PDE7B: variants seen among roughly 807,000 people sequenced by gnomAD.
PDE7B encodes the protein phosphodiesterase 7B, also known as 3',5'-cyclic-AMP phosphodiesterase 7B.
In PDE7B, 29 loss-of-function variants were observed where a neutral mutation model predicts 56.2. The observed-to-expected ratio is 0.52, with a 90% CI of 0.38 to 0.70. The LOEUF is 0.70. Among genes scored for constraint, PDE7B ranks in the 30% least tolerant of loss-of-function variants. PDE7B has a pLI of 0.00. For missense variants in PDE7B, 490 were observed against 565.0 expected, an observed-to-expected ratio of 0.87 and a Z score of 1.35; for synonymous variants, 197 against 196.9, an observed-to-expected ratio of 1.00 and a Z score of 0.00.
intron 2 of PDE7B, among the ~76,000 whole-genome samples, chr6:136,049,903 T>C (rs1344787341): frequency 6.6e-6 from 1 of 151,742 alleles, no homozygotes; most frequent in Non-Finnish European, 1.5e-5. Context: ...AATTTTTTAA[T>C]GAAAATGGGT....
chr6:136,116,268 A>G (rs1777829068), intron 3 of PDE7B, among the ~76,000 whole-genome samples: 1 of 152,224 alleles, frequency 6.6e-6, no homozygotes, highest in South Asian at 2.1e-4. Context: ...AAGTAGGAAG[A>G]AGGTCCAAAA....
intron 3 of PDE7B, among the ~76,000 whole-genome samples, chr6:136,139,982 C>T (rs1197789487): frequency 2.0e-5 from 3 of 152,106 alleles, no homozygotes; most frequent in East Asian, 3.8e-4. Flanking sequence ...TAATTAGATC[C>T]CATTGGTCAA....
intron 1 of PDE7B, among the ~76,000 whole-genome samples, chr6:135,861,331 C>T (rs1361298851): frequency 1.3e-5 from 2 of 151,646 alleles, no homozygotes; most frequent in African/African-American, 4.8e-5. Flanking sequence ...AATTTACGCC[C>T]CCACCAACAA....
At chr6:136,179,428 G>T (rs1299695018) in intron 10 of PDE7B, among the ~76,000 whole-genome samples, 3 of 152,168 alleles carry the variant, frequency 2.0e-5, no homozygotes, top group Non-Finnish European at 2.9e-5. Context: ...TATCTCCGAT[G>T]GTATGAGTTA....
At chr6:136,187,565 G>T (rs1477708748) in intron 12 of PDE7B, among the ~76,000 whole-genome samples, 1 of 152,128 alleles carries the variant, frequency 6.6e-6, no homozygotes, top group Non-Finnish European at 1.5e-5. Flanking sequence ...TGTGAGCCAT[G>T]CTATCCCGCC....
chr6:136,086,370 T>TG (rs1210133525), intron 2 of PDE7B, among the ~76,000 whole-genome samples: 2 of 148,876 alleles, frequency 1.3e-5, no homozygotes, highest in Admixed American at 6.7e-5. Flanking sequence ...TTTTTTGGGG[T>TG]GGGGGGGATT....
At position 135,919,621 on chromosome 6, in the gene PDE7B, C is replaced by T. The variant is rs112815613; in HGVS notation, c.22-27843C>T. On this transcript the variant is annotated intron_variant, in intron 1 of 12. Coordinates refer to ENST00000308191, the MANE Select transcript of PDE7B (RefSeq NM_018945.4). ...CTTTAGGCAAAGCATACTATATTTT[C>T]TTTTTCCTAGTGTTTCAATATGAAC... is the stretch of plus-strand genomic sequence containing the variant. Among the ~76,000 whole-genome samples the T allele has an allele frequency of 3.9e-3, 595 of 152,242 alleles. 1 individual carries two copies. Among genetic ancestry groups the T allele is most frequent in the African/African-American group, 0.014 (573 of 41,546 alleles).
intron 1 of PDE7B, among the ~76,000 whole-genome samples, chr6:135,863,014 C>T (rs1300796637): frequency 6.6e-6 from 1 of 151,866 alleles, no homozygotes; most frequent in East Asian, 1.9e-4. Flanking sequence ...TTCTACTGTG[C>T]TTACAAGTCA....
chr6:136,183,595 CAAAAA>C (rs59123124), intron 11 of PDE7B, among the ~76,000 whole-genome samples: 7 of 66,226 alleles, frequency 1.1e-4, no homozygotes, highest in Middle Eastern at 8.6e-3. Flanking sequence ...GACTCTGTCT[CAAAAA>C]AAAAAAAAAA....
chr6:135,935,220 T>A (rs1353258496), intron 1 of PDE7B, among the ~76,000 whole-genome samples: 21 of 36,804 alleles, frequency 5.7e-4, no homozygotes, highest in African/African-American at 1.3e-3. Flanking sequence ...ATATATATTT[T>A]CATGATTCTT....
intron 2 of PDE7B, among the ~76,000 whole-genome samples, chr6:136,077,328 T>C (rs1777141620): frequency 6.6e-6 from 1 of 152,204 alleles, no homozygotes; most frequent in Non-Finnish European, 1.5e-5. Flanking sequence ...TAAAGATGTG[T>C]GGTTTTTTTC....
intron 8 of PDE7B, among the ~76,000 whole-genome samples, chr6:136,168,126 A>C (rs1307931091): frequency 6.6e-6 from 1 of 152,206 alleles, no homozygotes; most frequent in East Asian, 1.9e-4. Flanking sequence ...TATTAGGGTT[A>C]GCAAAAGGAA....
intron 2 of PDE7B, among the ~76,000 whole-genome samples, chr6:135,985,819 T>G (rs1775366805): frequency 6.6e-6 from 1 of 152,206 alleles, no homozygotes; most frequent in South Asian, 2.1e-4. Flanking sequence ...TAGAGAAGCA[T>G]GCACTTTGAT....
chr6:136,165,397 A>G (rs1184348311), intron 8 of PDE7B: 1 of 152,166 alleles, frequency 6.6e-6, no homozygotes, highest in Non-Finnish European at 1.5e-5. Flanking sequence ...TTATAAATCA[A>G]GACATTGAAA....
At chr6:136,033,063 G>A (rs1351342665) in intron 2 of PDE7B, among the ~76,000 whole-genome samples, 2 of 152,230 alleles carry the variant, frequency 1.3e-5, no homozygotes, top group Non-Finnish European at 2.9e-5. Context: ...TACCACCACT[G>A]TGACCTTTCA....
chr6:135,987,550 G>C (rs1180072400), intron 2 of PDE7B, among the ~76,000 whole-genome samples: 1 of 152,064 alleles, frequency 6.6e-6, no homozygotes, highest in Non-Finnish European at 1.5e-5. Context: ...AATAACACTT[G>C]AGTTAAGTCG....
At chr6:136,160,540 C>T (rs1368458223) in intron 8 of PDE7B, among the ~76,000 whole-genome samples, 1 of 152,144 alleles carries the variant, frequency 6.6e-6, no homozygotes, top group East Asian at 1.9e-4. Context: ...AGGTTCAGGG[C>T]ACACCAGCAT....
intron 2 of PDE7B, among the ~76,000 whole-genome samples, chr6:136,016,312 T>C (rs1436307579): frequency 6.6e-6 from 1 of 152,226 alleles, no homozygotes; most frequent in African/African-American, 2.4e-5. Flanking sequence ...CATTCTCTTC[T>C]ACCTTCTTTT....
At chr6:136,155,512 G>A (rs1327785301) in intron 7 of PDE7B, 115 bp from the exon 8 acceptor site, 2 of 843,610 alleles carry the variant, frequency 2.4e-6, no homozygotes, top group Non-Finnish European at 3.8e-6. Flanking sequence ...GTAAAGGTCT[G>A]GCTGATAGGC....
Sources: gnomAD v4.1 joint callset for allele counts (sites outside exome capture counted in the v4.1 genomes callset) on GRCh38, gnomAD v4.1.1 for gene constraint, MANE v1.5 for transcripts, NCBI Gene and HGNC (gene_info 2026-07-23, HGNC 2026-07-21) for gene names.